FA2H: variants seen among roughly 807,000 people sequenced by gnomAD.
FA2H encodes fatty acid alpha-hydroxylase.
Under a neutral mutation model 44.9 loss-of-function variants are expected in FA2H, and 22 were observed. The ratio of observed to expected loss-of-function variants is 0.49; its 90% CI spans 0.35 to 0.70. FA2H has a LOEUF of 0.70. Among genes scored for constraint, FA2H ranks in the 30% least tolerant of loss-of-function variants. The pLI is 0.01. For missense variants in FA2H, 501 were observed against 504.9 expected, an observed-to-expected ratio of 0.99 and a Z score of 0.07; for synonymous variants, 243 against 213.2, an observed-to-expected ratio of 1.14 and a Z score of -1.22.
intron 2 of FA2H, among the ~76,000 whole-genome samples, chr16:74,728,772 ATCTC>A (rs1322461030): frequency 7.0e-6 from 1 of 143,820 alleles, no homozygotes; most frequent in Non-Finnish European, 1.5e-5. Flanking sequence ...TAATATATTT[ATCTC>A]TTTCTTTTTT....
At chr16:74,753,720 G>C (rs35546013) in intron 1 of FA2H, among the ~76,000 whole-genome samples, 12,047 of 152,036 alleles carry the variant, frequency 0.079, 741 homozygotes, top group East Asian at 0.32. Context: ...GCCACACCCA[G>C]CACCTCCAAT....
intron 4 of FA2H, among the ~76,000 whole-genome samples, chr16:74,724,279 C>T (rs909823123): frequency 2.6e-5 from 4 of 152,160 alleles, no homozygotes; most frequent in Non-Finnish European, 2.9e-5. Context: ...TGGCCTCTGC[C>T]GGGCCCCGCA....
At chr16:74,740,667 AT>A (rs1433865030) in intron 1 of FA2H, among the ~76,000 whole-genome samples, 279 of 140,734 alleles carry the variant, frequency 2.0e-3, no homozygotes, top group South Asian at 5.5e-3. Flanking sequence ...AATAATAATA[AT>A]AAAATTTCTG....
At chr16:74,722,154 C>T (rs1307940110) in intron 4 of FA2H, among the ~76,000 whole-genome samples, 2 of 152,118 alleles carry the variant, frequency 1.3e-5, no homozygotes, top group African/African-American at 2.4e-5. Context: ...TCAGTCTCTC[C>T]TTTTCTCCTG....
chr16:74,774,299 A>C (rs1260718381), intron 1 of FA2H, among the ~76,000 whole-genome samples, 187 bp downstream of exon 1: 2 of 151,618 alleles, frequency 1.3e-5, no homozygotes, highest in Admixed American at 6.6e-5. Flanking sequence ...GTTCCTGGAG[A>C]GAGGAAGGAG....
intron 5 of FA2H, among the ~76,000 whole-genome samples, chr16:74,718,088 G>A (rs977354577): frequency 6.6e-6 from 1 of 152,110 alleles, no homozygotes; most frequent in Non-Finnish European, 1.5e-5. Flanking sequence ...GGGGAGAGCC[G>A]GGAGGACCAC....
At chr16:74,762,296 G>A (rs961928840) in intron 1 of FA2H, among the ~76,000 whole-genome samples, 1 of 152,160 alleles carries the variant, frequency 6.6e-6, no homozygotes, top group Non-Finnish European at 1.5e-5. Context: ...ACCCGCCTCG[G>A]CCTCCCAAAG....
At chr16:74,733,697 G>A (rs1351575525) in intron 2 of FA2H, among the ~76,000 whole-genome samples, 2 of 152,168 alleles carry the variant, frequency 1.3e-5, no homozygotes, top group African/African-American at 2.4e-5. Context: ...AGACGATGAC[G>A]GCTTGGGATC....
chr16:74,738,191 A>G (rs1211784007), intron 2 of FA2H, among the ~76,000 whole-genome samples: 2 of 151,968 alleles, frequency 1.3e-5, no homozygotes, highest in Non-Finnish European at 2.9e-5. Context: ...ACACAGGAGG[A>G]AGGGGAGGAA....
intron 1 of FA2H, among the ~76,000 whole-genome samples, chr16:74,761,059 C>T (rs975428812): frequency 3.3e-5 from 5 of 152,090 alleles, no homozygotes; most frequent in Non-Finnish European, 7.4e-5. Flanking sequence ...CCATGGCACA[C>T]GTTTACCTGT....
intron 1 of FA2H, among the ~76,000 whole-genome samples, chr16:74,773,811 G>A (rs1013598251): frequency 2.4e-4 from 37 of 152,212 alleles, no homozygotes; most frequent in African/African-American, 8.9e-4. Flanking sequence ...CACACAGTCT[G>A]GTCCAAAGTG....
intron 1 of FA2H, among the ~76,000 whole-genome samples, chr16:74,773,038 G>A (rs1382538411): frequency 1.3e-5 from 2 of 151,914 alleles, no homozygotes; most frequent in Admixed American, 1.3e-4. Context: ...ACCACACCCG[G>A]CTAATTTTGG....
chr16:74,733,698 G>A (rs992374545), intron 2 of FA2H, among the ~76,000 whole-genome samples: 1 of 152,184 alleles, frequency 6.6e-6, no homozygotes, highest in African/African-American at 2.4e-5. Flanking sequence ...GACGATGACG[G>A]CTTGGGATCC....
chr16:74,726,159 G>A, intron 4 of FA2H, 66 bp downstream of exon 4: 1 of 1,103,886 alleles, frequency 9.1e-7, no homozygotes, highest in Non-Finnish European at 1.4e-6. Flanking sequence ...CTCTGGGCCA[G>A]GGAAAGCACT....
intron 2 of FA2H, among the ~76,000 whole-genome samples, chr16:74,734,558 C>T (rs888706774): frequency 3.3e-5 from 5 of 152,228 alleles, no homozygotes; most frequent in Non-Finnish European, 5.9e-5. Flanking sequence ...GGGAGGGCTT[C>T]TCCCAGGCTA....
chr16:74,741,808 A>ATATATGTGTGTGTG (rs1491185782), intron 1 of FA2H, among the ~76,000 whole-genome samples: 3 of 48,408 alleles, frequency 6.2e-5, no homozygotes, highest in African/African-American at 2.2e-4. Context: ...ATATATATAT[A>ATATATGTGTGTGTG]TGTGTGTGTG....
At chr16:74,721,317 G>A (rs1376001322) in intron 4 of FA2H, among the ~76,000 whole-genome samples, 3 of 151,992 alleles carry the variant, frequency 2.0e-5, no homozygotes, top group South Asian at 2.1e-4. Flanking sequence ...ATAGGTGTGC[G>A]CCACCATGCC....
chr16:74,734,296 C>G (rs1452179738), intron 2 of FA2H, among the ~76,000 whole-genome samples: 1 of 152,240 alleles, frequency 6.6e-6, no homozygotes, highest in Non-Finnish European at 1.5e-5. Flanking sequence ...GCTAGAGAGG[C>G]ATGTCCAGCA....
chr16:74,725,139 C>T (rs942035140), intron 4 of FA2H, among the ~76,000 whole-genome samples: 13 of 152,186 alleles, frequency 8.5e-5, no homozygotes, highest in African/African-American at 2.9e-4. Context: ...CCTCGGTGAC[C>T]GGGAGGAGCT....
Sources: allele counts gnomAD v4.1 joint callset (sites outside exome capture counted in the v4.1 genomes callset), GRCh38; gene constraint gnomAD v4.1.1; transcripts MANE v1.5; gene names NCBI Gene and HGNC (gene_info 2026-07-23, HGNC 2026-07-21).